The following ADAM9 variants were observed in gnomAD, a reference collection of about 807,000 sequenced individuals.
The protein encoded by ADAM9 is disintegrin and metalloproteinase domain-containing protein 9.
Under a neutral mutation model 108.1 loss-of-function variants are expected in ADAM9, and 54 were observed. That is an observed-to-expected ratio of 0.50 (90% confidence interval 0.40 to 0.63). ADAM9 has a LOEUF of 0.63. ADAM9 is among the 20% of genes least tolerant of loss of function. ADAM9 has a pLI of 0.00. For missense variants in ADAM9, 830 were observed against 997.7 expected (o/e 0.83, Z 2.26); for synonymous variants, 316 against 336.0 (o/e 0.94, Z 0.65).
intron 11 of ADAM9, among the ~76,000 whole-genome samples, chr8:39,037,156 AC>A (rs1837305998): frequency 7.2e-6 from 1 of 139,072 alleles, no homozygotes; most frequent in South Asian, 2.2e-4. Context: ...TCCCGGGTTC[AC>A]GCCATTCTCC....
chr8:39,012,980 G>C (rs1320495888), intron 3 of ADAM9, among the ~76,000 whole-genome samples: 1 of 152,056 alleles, frequency 6.6e-6, no homozygotes, highest in African/African-American at 2.4e-5. Flanking sequence ...GCTGGTCCCG[G>C]GTGCCTCCAG....
intron 20 of ADAM9, among the ~76,000 whole-genome samples, chr8:39,100,005 G>A (rs1031522066): frequency 6.7e-6 from 1 of 150,160 alleles, no homozygotes; most frequent in East Asian, 2.0e-4. Context: ...TTAGCCTCCT[G>A]AGTAGCTGGA....
Position 39,079,771 on chromosome 8 carries a change from G to A in ADAM9, c.1881+2360G>A, listed in dbSNP as rs954871759. ...GGCTAATTTGTGTGTTTTTAGTAGA[G>A]ACGGGGTTTCGCCATATTGGCCAGA... On this transcript the variant is annotated intron_variant, in intron 16 of 21. Transcript: ENST00000487273. Among the ~76,000 whole-genome samples the A allele has an allele frequency of 8.5e-5, 13 of 152,220 alleles. No individual in the cohort carries two copies. In the East Asian group the frequency reaches 2.3e-3, roughly 27 times the overall value.
intron 9 of ADAM9, among the ~76,000 whole-genome samples, chr8:39,025,333 G>A (rs1428721447): frequency 6.6e-6 from 1 of 152,034 alleles, no homozygotes; most frequent in Admixed American, 6.6e-5. Context: ...CTGACCTCAG[G>A]TGATCTGCCC....
In ADAM9 at chr8:39,103,865, T is replaced by TC; in HGVS notation, c.*165_*166insC. 1 of 731,500 alleles carries TC rather than the reference T, an allele frequency of 1.4e-6. No homozygotes were observed. Among genetic ancestry groups the TC allele is most frequent in the South Asian group, 1.5e-5 (1 of 67,490 alleles). 45.3% of individuals were successfully genotyped at this position (731,500 alleles called of 1,614,324 possible). A position where few individuals can be genotyped will look rare whatever the true frequency, so the allele number is the denominator to read the frequency against. On this transcript the variant is annotated 3_prime_UTR_variant, in exon 22 of 22. Coordinates refer to ENST00000487273, the MANE Select transcript of ADAM9 (RefSeq NM_003816.3). Reference sequence around the variant, plus strand: ...GAAAAACAGAAACTGAGTGTGAGAGTTGTGAAATACAAGGAAATGCAGTAA... The same window carrying TC: ...GAAAAACAGAAACTGAGTGTGAGAGTCTGTGAAATACAAGGAAATGCAGTAA...
At chr8:39,045,570 G>GTATATATA (rs146208883) in intron 12 of ADAM9, among the ~76,000 whole-genome samples, 1 of 95,194 alleles carries the variant, frequency 1.1e-5, no homozygotes, top group African/African-American at 3.2e-5. Context: ...GTGTGTGTGT[G>GTATATATA]TATATATATA....
intron 16 of ADAM9, 129 bp downstream of exon 16, chr8:39,077,540 C>T: frequency 1.1e-6 from 1 of 906,934 alleles, no homozygotes; most frequent in Non-Finnish European, 1.6e-6. Context: ...TTAGAAAATA[C>T]AAAGCCACCA....
At chr8:39,080,049 A>T (rs562785009) in intron 16 of ADAM9, among the ~76,000 whole-genome samples, 67 of 151,914 alleles carry the variant, frequency 4.4e-4, no homozygotes, top group African/African-American at 1.6e-3. Flanking sequence ...GCTGTTAAAT[A>T]TTTTCTTGAT....
At chr8:39,047,507 T>C (rs367909472) in intron 12 of ADAM9, among the ~76,000 whole-genome samples, 1 of 152,198 alleles carries the variant, frequency 6.6e-6, no homozygotes, top group African/African-American at 2.4e-5. Flanking sequence ...CTTATTTCTT[T>C]ATGATTCAGT....
chr8:38,999,329 T>C (rs1417446473), intron 1 of ADAM9, among the ~76,000 whole-genome samples: 7 of 12,002 alleles, frequency 5.8e-4, no homozygotes. Flanking sequence ...TTCAGTAAAC[T>C]TTTTTTTTTT....
At chr8:39,001,818 C>T (rs533758002) in intron 1 of ADAM9, among the ~76,000 whole-genome samples, 3 of 151,748 alleles carry the variant, frequency 2.0e-5, no homozygotes, top group African/African-American at 2.4e-5. Flanking sequence ...CAGGCGCGTG[C>T]GCCACCACAC....
chr8:39,080,730 G>A (rs1339085544), intron 16 of ADAM9, among the ~76,000 whole-genome samples: 1 of 152,116 alleles, frequency 6.6e-6, no homozygotes, highest in South Asian at 2.1e-4. Context: ...TAAACGTGGG[G>A]TAGGGGGAAA....
At chr8:39,012,171 T>C (rs1192963284) in intron 3 of ADAM9, among the ~76,000 whole-genome samples, 1 of 152,238 alleles carries the variant, frequency 6.6e-6, no homozygotes, top group Non-Finnish European at 1.5e-5. Flanking sequence ...GTTGCACAGA[T>C]GTGCTTTGCC....
In ADAM9 at chr8:39,055,719, A is replaced by G. The variant is rs1838098761; in HGVS notation, c.1538A>G (p.Tyr513Cys). The G allele has an allele frequency of 6.2e-7, 1 of 1,613,618 alleles. No individual in the cohort carries two copies. The highest frequency in any genetic ancestry group is 1.7e-5 in the Admixed American group (1 of 59,942). The change falls in exon 14 of 22, where the codon TAC (tyrosine) becomes TGC (cysteine). Residue 513 changes from tyrosine (Y) to cysteine (C), a missense_variant. Coordinates refer to ENST00000487273, the MANE Select transcript of ADAM9 (RefSeq NM_003816.3). ...YPCQNNKAYC[Y>C]NGMCQYYDAQ... is the part of the protein sequence containing the mutation. ...TGCCAGAATAACAAAGCCTATTGCT[A>G]CAACGGCATGTGCCAGTATTATGAT...
intron 10 of ADAM9, 118 bp from the exon 11 acceptor site, chr8:39,026,559 A>G (rs1210720546): frequency 7.8e-7 from 1 of 1,276,516 alleles, no homozygotes; most frequent in Non-Finnish European, 1.1e-6. Context: ...TGCTTGATTT[A>G]TCACGTAGGC....
intron 8 of ADAM9, 97 bp downstream of exon 8, chr8:39,021,811 T>C (rs765726429): frequency 6.1e-5 from 65 of 1,068,872 alleles, no homozygotes; most frequent in African/African-American, 1.2e-4. Context: ...CTGATTTTCA[T>C]AGGGCCTCAA....
intron 7 of ADAM9, among the ~76,000 whole-genome samples, chr8:39,020,144 G>A (rs1163262489): frequency 6.6e-6 from 1 of 152,166 alleles, no homozygotes; most frequent in Non-Finnish European, 1.5e-5. Context: ...AATTAGCCGG[G>A]CGTGGTGGCG....
intron 2 of ADAM9, among the ~76,000 whole-genome samples, chr8:39,008,847 TG>T (rs1354913950): frequency 6.6e-6 from 1 of 152,252 alleles, no homozygotes; most frequent in Admixed American, 6.5e-5. Context: ...ACTATTCTTT[TG>T]TAAAGTTTGT....
intron 18 of ADAM9, 63 bp downstream of exon 18, chr8:39,083,136 C>A: frequency 8.4e-7 from 1 of 1,190,604 alleles, no homozygotes; most frequent in Non-Finnish European, 1.2e-6. Context: ...ATTGGGCATC[C>A]TCGTACCTCT....
Sources: gnomAD v4.1 joint callset for allele counts (sites outside exome capture counted in the v4.1 genomes callset) on GRCh38, gnomAD v4.1.1 for gene constraint, MANE v1.5 for transcripts, NCBI Gene and HGNC (gene_info 2026-07-23, HGNC 2026-07-21) for gene names.